The following SLC9A9 variants were observed in gnomAD, a reference collection of about 807,000 sequenced individuals.
SLC9A9 encodes the protein solute carrier family 9 member A9, also known as sodium/hydrogen exchanger 9.
A neutral mutation model predicts 77.8 loss-of-function variants in SLC9A9; 62 were observed. That is an observed-to-expected ratio of 0.80 (90% CI 0.65 to 0.98). The LOEUF is 0.98. SLC9A9 is among the 50% of genes least tolerant of loss of function. The pLI is 0.00. For missense variants in SLC9A9, 775 were observed against 774.9 expected, an observed-to-expected ratio of 1.00 and a Z score of 0.00; for synonymous variants, 320 against 283.5, an observed-to-expected ratio of 1.13 and a Z score of -1.29.
chr3:143,497,701 G>A (rs2035858578), intron 9 of SLC9A9, among the ~76,000 whole-genome samples: 1 of 152,158 alleles, frequency 6.6e-6, no homozygotes, highest in South Asian at 2.1e-4. Flanking sequence ...GCATTGAAGA[G>A]ATCACGAAAT....
At chr3:143,272,020 T>G (rs185544217) in intron 14 of SLC9A9, among the ~76,000 whole-genome samples, 1 of 152,126 alleles carries the variant, frequency 6.6e-6, no homozygotes, top group Admixed American at 6.5e-5. Context: ...CAGGGAAGAA[T>G]GAAGGGGCAG....
rs1037374358 is a variant in SLC9A9 at position 143,489,119 on chromosome 3, A to C, written c.1315+4534T>G. ...TGAACAATCTAAAATTAAAATTATGAAAATAATTCCATTCACAATAGCATC... is the reference window on the plus strand; with the variant it reads ...TGAACAATCTAAAATTAAAATTATGCAAATAATTCCATTCACAATAGCATC... On this transcript the variant is annotated intron_variant, in intron 11 of 15. Transcript: ENST00000316549. Among the ~76,000 whole-genome samples the C allele has an allele frequency of 2.0e-5, 3 of 152,068 alleles. No homozygotes were observed. In the South Asian group the frequency reaches 6.2e-4, roughly 31 times the overall value.
chr3:143,382,025 T>C, intron 13 of SLC9A9, 35 bp downstream of exon 13: 1 of 1,611,790 alleles, frequency 6.2e-7, no homozygotes, highest in Non-Finnish European at 8.5e-7. Context: ...AACAATCATA[T>C]CTCTATATAA....
intron 4 of SLC9A9, among the ~76,000 whole-genome samples, chr3:143,707,970 T>G (rs1461423439): frequency 6.6e-6 from 1 of 152,166 alleles, no homozygotes; most frequent in Non-Finnish European, 1.5e-5. Flanking sequence ...TCACTCACCC[T>G]TGCATGTTTG....
chr3:143,701,003 G>C (rs1381049887), intron 4 of SLC9A9, among the ~76,000 whole-genome samples: 1 of 152,238 alleles, frequency 6.6e-6, no homozygotes, highest in Admixed American at 6.5e-5. Flanking sequence ...GAGAACAAGA[G>C]TCACTGCCTG....
intron 6 of SLC9A9, among the ~76,000 whole-genome samples, chr3:143,626,169 GA>G (rs1357839692): frequency 6.6e-6 from 1 of 152,234 alleles, no homozygotes; most frequent in Non-Finnish European, 1.5e-5. Context: ...CTGTTGGTGG[GA>G]CTGTAAACTA....
intron 4 of SLC9A9, among the ~76,000 whole-genome samples, chr3:143,764,315 G>C (rs1053613670): frequency 6.6e-6 from 1 of 152,102 alleles, no homozygotes; most frequent in African/African-American, 2.4e-5. Flanking sequence ...CCCTATTTCT[G>C]TGCAGCAGAC....
chr3:143,714,639 T>C (rs879915799), intron 4 of SLC9A9, among the ~76,000 whole-genome samples: 1 of 152,184 alleles, frequency 6.6e-6, no homozygotes, highest in African/African-American at 2.4e-5. Context: ...AACGCCAAAA[T>C]ACTTAACATG....
intron 14 of SLC9A9, among the ~76,000 whole-genome samples, chr3:143,281,040 C>T (rs1172368172): frequency 6.6e-6 from 1 of 152,150 alleles, no homozygotes; most frequent in Non-Finnish European, 1.5e-5. Context: ...CTTTCAGGTG[C>T]CTGAAGTAGG....
intron 4 of SLC9A9, among the ~76,000 whole-genome samples, chr3:143,737,856 C>T (rs1470325311): frequency 1.3e-5 from 2 of 152,032 alleles, no homozygotes. Flanking sequence ...CCATCAGCAA[C>T]AGCAGCAGCA....
intron 6 of SLC9A9, among the ~76,000 whole-genome samples, chr3:143,584,190 C>T (rs760844610): frequency 3.9e-5 from 6 of 152,190 alleles, no homozygotes; most frequent in Non-Finnish European, 5.9e-5. Flanking sequence ...CACTCTTCCT[C>T]AAGGTCTCCT....
chr3:143,285,213 C>T (rs1346091780), intron 14 of SLC9A9, among the ~76,000 whole-genome samples: 2 of 152,154 alleles, frequency 1.3e-5, no homozygotes, highest in East Asian at 3.9e-4. Context: ...AGGTATCTCT[C>T]CTAATGCTAG....
intron 14 of SLC9A9, among the ~76,000 whole-genome samples, chr3:143,314,023 C>G (rs73008231): frequency 0.21 from 32,059 of 152,116 alleles, 3,515 homozygotes; most frequent in Admixed American, 0.27. Context: ...GTTCAGCAAC[C>G]CTCCTCTGGG....
intron 12 of SLC9A9, among the ~76,000 whole-genome samples, chr3:143,429,292 T>C (rs2034464079): frequency 6.6e-6 from 1 of 152,202 alleles, no homozygotes; most frequent in African/African-American, 2.4e-5. Context: ...AGCAGAGGAA[T>C]TTCTTTAGGA....
intron 6 of SLC9A9, among the ~76,000 whole-genome samples, chr3:143,606,432 CTCTCTATA>C (rs1437867959): frequency 0.048 from 2,813 of 58,540 alleles, 53 homozygotes; most frequent in Middle Eastern, 0.069. Context: ...CTCTCTCTCT[CTCTCTATA>C]TATATATATA....
intron 4 of SLC9A9, among the ~76,000 whole-genome samples, chr3:143,706,299 T>A (rs917802870): frequency 1.2e-4 from 19 of 152,228 alleles, no homozygotes; most frequent in African/African-American, 4.6e-4. Flanking sequence ...ATGCCTGTCC[T>A]GATTGAGCTG....
intron 11 of SLC9A9, among the ~76,000 whole-genome samples, chr3:143,489,086 A>G (rs1346008268): frequency 6.6e-6 from 1 of 151,934 alleles, no homozygotes. Flanking sequence ...ATTTTTATAC[A>G]CTCACAGTGA....
chr3:143,341,907 C>T (rs1371228746), intron 14 of SLC9A9, among the ~76,000 whole-genome samples: 2 of 152,130 alleles, frequency 1.3e-5, no homozygotes. Flanking sequence ...AGAATGCACA[C>T]TTTTGAATAT....
intron 6 of SLC9A9, among the ~76,000 whole-genome samples, chr3:143,594,844 C>T (rs887833389): frequency 6.6e-6 from 1 of 152,168 alleles, no homozygotes; most frequent in Non-Finnish European, 1.5e-5. Context: ...TCCCTCCAGA[C>T]TTTCCCCTAT....
Sources: allele counts gnomAD v4.1 joint callset (sites outside exome capture counted in the v4.1 genomes callset), GRCh38; gene constraint gnomAD v4.1.1; transcripts MANE v1.5; gene names NCBI Gene and HGNC (gene_info 2026-07-23, HGNC 2026-07-21).